Variants in CNTLN observed in about 807,000 individuals in gnomAD.
The protein encoded by CNTLN is centlein, centrosomal protein.
In CNTLN, 212 loss-of-function variants were observed where a neutral mutation model predicts 180.0. The ratio of observed to expected loss-of-function variants is 1.18; its 90% CI spans 1.05 to 1.32. The LOEUF (loss-of-function observed/expected upper bound fraction) is 1.32, where lower values mean the gene tolerates loss of function less well. Among genes scored for constraint, CNTLN ranks in the 40% most tolerant of loss-of-function variants. CNTLN has a pLI of 0.00. For missense variants in CNTLN, 2,095 were observed against 1,610.9 expected, an observed-to-expected ratio of 1.30 and a Z score of -5.14; for synonymous variants, 722 against 563.1, an observed-to-expected ratio of 1.28 and a Z score of -3.99.
At chr9:17,282,048 T>C (rs549426561) in intron 6 of CNTLN, among the ~76,000 whole-genome samples, 1 of 152,206 alleles carries the variant, frequency 6.6e-6, no homozygotes, top group African/African-American at 2.4e-5. Flanking sequence ...CTGCAACTTA[T>C]GCCTCCCCAG....
At chr9:17,217,786 A>C (rs188934843) in intron 2 of CNTLN, among the ~76,000 whole-genome samples, 1 of 152,226 alleles carries the variant, frequency 6.6e-6, no homozygotes, top group Non-Finnish European at 1.5e-5. Flanking sequence ...TATCTGGACA[A>C]ATAGTTAAAA....
chr9:17,137,729 T>A (rs1817817388), intron 1 of CNTLN, among the ~76,000 whole-genome samples: 2 of 152,218 alleles, frequency 1.3e-5, no homozygotes, highest in Admixed American at 6.5e-5. Context: ...TGTTTTGCTT[T>A]CACATTCAAC....
chr9:17,135,069 G>A lies in CNTLN; in HGVS notation c.4G>A (p.Ala2Thr). 1.3e-6 allele frequency: 2 copies of A among 1,596,684 alleles called. No homozygotes were observed. The highest frequency in any genetic ancestry group is 2.2e-5 in the South Asian group (2 of 89,596). Residue 2 changes from alanine to threonine, a missense_variant, in exon 1 of 26, where the codon GCG becomes ACG. Ala to Thr is a moderately conservative substitution (Grantham distance 58). Transcript: ENST00000380647. M[A>T]ARSPPSPHPS... is the part of the protein sequence containing the mutation. ...TGACCCGTTAGCAGCCGCAGCCATG[G>A]CGGCGCGTTCGCCTCCCTCACCGCA...
chr9:17,481,444 G>T (rs771501923), intron 23 of CNTLN, among the ~76,000 whole-genome samples: 1 of 152,178 alleles, frequency 6.6e-6, no homozygotes, highest in Non-Finnish European at 1.5e-5. Context: ...CCAGCTTGCA[G>T]CCAGCCTGAC....
intron 2 of CNTLN, among the ~76,000 whole-genome samples, chr9:17,170,628 C>G (rs567668673): frequency 1.3e-5 from 2 of 151,916 alleles, no homozygotes; most frequent in South Asian, 4.2e-4. Flanking sequence ...TGTTATATTC[C>G]TCAGCTTCGG....
chr9:17,406,471 C>G (rs1225174172), intron 15 of CNTLN, among the ~76,000 whole-genome samples: 2 of 151,612 alleles, frequency 1.3e-5, no homozygotes, highest in African/African-American at 2.4e-5. Flanking sequence ...TGTATTTAGC[C>G]AGATATCTAA....
At chr9:17,274,237 A>T (rs1040167971) in intron 6 of CNTLN, among the ~76,000 whole-genome samples, 5 of 152,196 alleles carry the variant, frequency 3.3e-5, no homozygotes, top group South Asian at 4.2e-4. Context: ...ATTATATTCT[A>T]TATAGTTTGT....
At chr9:17,514,040 G>T in the CNTLN span, among the ~76,000 whole-genome samples, 1 of 152,018 alleles carries the variant, frequency 6.6e-6, no homozygotes, top group Admixed American at 6.6e-5. Context: ...AGGCACAGTG[G>T]CTCACACCTG....
intron 19 of CNTLN, among the ~76,000 whole-genome samples, chr9:17,458,270 A>G (rs1013870133): frequency 2.0e-5 from 3 of 151,994 alleles, no homozygotes; most frequent in African/African-American, 7.2e-5. Flanking sequence ...AGCAACTTAA[A>G]AGTAAGGCTG....
chr9:17,240,861 C>CT (rs968654600), intron 5 of CNTLN, among the ~76,000 whole-genome samples: 13 of 151,194 alleles, frequency 8.6e-5, no homozygotes, highest in Admixed American at 1.3e-4. Context: ...TTTTCTTTTC[C>CT]TTTTTTTTTA....
chr9:17,267,039 T>C (rs1827516336), intron 5 of CNTLN, among the ~76,000 whole-genome samples: 1 of 152,200 alleles, frequency 6.6e-6, no homozygotes, highest in Non-Finnish European at 1.5e-5. Context: ...CCCATTTACA[T>C]TTAAAGTTAA....
chr9:17,247,815 T>G (rs937504718), intron 5 of CNTLN, among the ~76,000 whole-genome samples: 1 of 148,188 alleles, frequency 6.7e-6, no homozygotes, highest in African/African-American at 2.5e-5. Flanking sequence ...GAAATGATCA[T>G]GTGGTTTCTC....
At chr9:17,414,253 C>T (rs1828063490) in intron 16 of CNTLN, among the ~76,000 whole-genome samples, 1 of 152,142 alleles carries the variant, frequency 6.6e-6, no homozygotes, top group Admixed American at 6.5e-5. Context: ...CATTTTTGAC[C>T]TCTGACATTT....
intron 10 of CNTLN, among the ~76,000 whole-genome samples, chr9:17,338,927 C>G (rs937719304): frequency 2.2e-4 from 34 of 152,236 alleles, no homozygotes; most frequent in Admixed American, 2.2e-3. Flanking sequence ...ATGTATGGTT[C>G]TTAAATTGAA....
chr9:17,258,494 G>GT (rs1184844922), intron 5 of CNTLN, among the ~76,000 whole-genome samples: 3 of 151,352 alleles, frequency 2.0e-5, no homozygotes. Flanking sequence ...CTTTAAAGTA[G>GT]TTTTTTCCAA....
At chr9:17,367,945 C>G (rs926954131) in intron 13 of CNTLN, among the ~76,000 whole-genome samples, 1 of 152,058 alleles carries the variant, frequency 6.6e-6, no homozygotes, top group African/African-American at 2.4e-5. Flanking sequence ...TGGTGAGAAA[C>G]CCCTGCATGA....
intron 18 of CNTLN, chr9:17,448,594 C>T (rs1335358689): frequency 1.3e-5 from 2 of 152,190 alleles, no homozygotes; most frequent in African/African-American, 2.4e-5. Flanking sequence ...CTGACCAAGC[C>T]TTGGTTATGA....
intron 12 of CNTLN, among the ~76,000 whole-genome samples, chr9:17,360,185 G>A (rs892396433): frequency 9.9e-5 from 15 of 152,082 alleles, no homozygotes; most frequent in Non-Finnish European, 2.1e-4. Context: ...ATTCTTCTTT[G>A]AAAGTAGAAC....
chr9:17,507,965 C>G (rs1202894419), downstream of CNTLN, among the ~76,000 whole-genome samples: 1 of 152,156 alleles, frequency 6.6e-6, no homozygotes, highest in African/African-American at 2.4e-5. Flanking sequence ...CCCCTGCCTT[C>G]TGTACTCTTA....
Sources: gnomAD v4.1 joint callset for allele counts (sites outside exome capture counted in the v4.1 genomes callset) on GRCh38, gnomAD v4.1.1 for gene constraint, MANE v1.5 for transcripts, NCBI Gene and HGNC (gene_info 2026-07-23, HGNC 2026-07-21) for gene names.